Variants in SYNE1 observed in about 807,000 individuals in gnomAD.
SYNE1 encodes the protein nesprin-1.
A neutral mutation model predicts 1,111.0 loss-of-function variants in SYNE1; 616 were observed. The ratio of observed to expected loss-of-function variants is 0.55; its 90% CI spans 0.52 to 0.59. SYNE1 has a LOEUF of 0.59. Ranked by LOEUF, SYNE1 falls within the 20% of genes least tolerant of loss-of-function variation. SYNE1 has a pLI of 0.00. For missense variants in SYNE1, 10,006 were observed against 10,417.0 expected (o/e 0.96, Z 1.72); for synonymous variants, 3,855 against 3,825.8 (o/e 1.01, Z -0.28).
chr6:152,331,761 T>A lies in SYNE1; in HGVS notation c.12924A>T (p.Leu4308Phe). The A allele has an allele frequency of 6.2e-7, 1 of 1,614,248 alleles. No individual in the cohort carries two copies. Among genetic ancestry groups the A allele is most frequent in the Non-Finnish European group, 8.5e-7 (1 of 1,180,040 alleles). The change falls in exon 78 of 146, where the codon TTA (leucine) becomes TTT (phenylalanine). Residue 4308 changes from leucine to phenylalanine, a missense_variant. Around this residue, in one of 7 missense-constraint regions of SYNE1, gnomAD observed 4,955 missense variants for 5,017.2 expected, o/e 0.99. Coordinates refer to ENST00000367255, the MANE Select transcript of SYNE1 (RefSeq NM_182961.4). The stretch of plus-strand genomic sequence containing the variant: ...GTTCTTTGACTAACTCCTTGTCATC[T>A]AAATTCAGATGCTCTATCATTTTCT... ...QKQKMIEHLN[L>F]DDKELVKEQT...
At position 152,122,330 on chromosome 6, in the gene SYNE1, C is replaced by G; in HGVS notation, c.*106G>C. On this transcript the variant is annotated 3_prime_UTR_variant, in exon 146 of 146. Coordinates refer to ENST00000367255, the MANE Select transcript of SYNE1 (RefSeq NM_182961.4). ...TGGAGGAGGGCTAAAGCTGCCACAC[C>G]GAGGGCTTTCGCCAAGATCAAGGTC... The G allele has an allele frequency of 6.3e-7, 1 of 1,589,850 alleles. No homozygotes were observed.
chr6:152,354,314 T>C (rs1384882413), intron 67 of SYNE1, among the ~76,000 whole-genome samples: 1 of 152,198 alleles, frequency 6.6e-6, no homozygotes, highest in Non-Finnish European at 1.5e-5. Context: ...ATAAAACTAA[T>C]TCTCAAGTAC....
Position 152,331,355 on chromosome 6 carries a change from G to T in SYNE1, c.13330C>A (p.Arg4444=). Residue 4444 remains arginine, a synonymous_variant, in exon 78 of 146, where the codon CGA becomes AGA. Transcript: ENST00000367255. The part of the protein sequence containing the change: ...VNCLSDLVGQ[R]RKYLNKALSE... ...AAGGCTTTGTTTAAGTACTTTCTTC[G>T]CTGGCCCACTAAGTCACTGAGACAA... The T allele has an allele frequency of 1.2e-6, 2 of 1,614,124 alleles. No homozygotes were observed. The highest frequency in any genetic ancestry group is 1.1e-5 in the South Asian group (1 of 91,076).
chr6:152,138,774 G>A (rs188309830), intron 140 of SYNE1, among the ~76,000 whole-genome samples: 160 of 152,126 alleles, frequency 1.1e-3, no homozygotes, highest in African/African-American at 3.5e-3. Flanking sequence ...AAAAGAAACT[G>A]AGCTCTCAGT....
chr6:152,497,699 T>C (rs1203762206), intron 11 of SYNE1, among the ~76,000 whole-genome samples: 8 of 152,250 alleles, frequency 5.3e-5, no homozygotes, highest in African/African-American at 7.2e-5. Context: ...GGAAAGTGTC[T>C]AGCAGATTGC....
chr6:152,363,387 G>A (rs1049383110), intron 63 of SYNE1, among the ~76,000 whole-genome samples: 6 of 150,080 alleles, frequency 4.0e-5, no homozygotes, highest in East Asian at 4.0e-4. Flanking sequence ...CCAGCTACTC[G>A]AGAGGCTGAG....
At chr6:152,472,239 AT>A in intron 15 of SYNE1, 61 bp downstream of exon 15, 2 of 1,383,882 alleles carry the variant, frequency 1.4e-6, no homozygotes, top group East Asian at 2.3e-5. Context: ...TAAAAGAAAT[AT>A]AAAAAGCGTC....
In SYNE1 at chr6:152,244,647, G is replaced by GTTGTA. The variant is rs752823125; in HGVS notation, c.19577_19581dup (p.Gln6528TyrfsTer18). ...AATTCTTTGAGTCCATCTTCAGCCT[G>GTTGTA]TTGTATTGCCTAAGTAAGATCCATG... On this transcript the variant is annotated frameshift_variant, in exon 106 of 146. Transcript: ENST00000367255. LOFTEE classifies it high-confidence loss of function. 6.2e-7 allele frequency: 1 copy of GTTGTA among 1,613,820 alleles called. No individual in the cohort carries two copies. Among genetic ancestry groups the GTTGTA allele is most frequent in the Non-Finnish European group, 8.5e-7 (1 of 1,179,828 alleles).
chr6:152,465,527 T>A, intron 17 of SYNE1, 67 bp from the exon 18 acceptor site: 1 of 1,444,068 alleles, frequency 6.9e-7, no homozygotes, highest in South Asian at 1.2e-5. Flanking sequence ...TTTTTTTCTA[T>A]GGTCTTATAC....
At chr6:152,267,074 T>C (rs908108762) in intron 100 of SYNE1, among the ~76,000 whole-genome samples, 5 of 152,192 alleles carry the variant, frequency 3.3e-5, no homozygotes, top group Non-Finnish European at 5.9e-5. Context: ...ATTATATATG[T>C]ATAAAATTTT....
At chr6:152,314,280 A>C (rs568474416) in intron 87 of SYNE1, among the ~76,000 whole-genome samples, 6 of 152,244 alleles carry the variant, frequency 3.9e-5, no homozygotes, top group Non-Finnish European at 7.4e-5. Context: ...TCTTTTTCTT[A>C]TCTCTCTATT....
intron 130 of SYNE1, chr6:152,167,706 G>C (rs773836237): frequency 1.9e-6 from 1 of 520,508 alleles, no homozygotes; most frequent in Admixed American, 2.0e-5. Flanking sequence ...CAACTACAAA[G>C]CTGTGAACCA....
Position 152,255,065 on chromosome 6 carries a change from T to G in SYNE1, c.19285A>C (p.Met6429Leu). 6.2e-7 allele frequency: 1 copy of G among 1,603,868 alleles called. No individual in the cohort carries two copies. The highest frequency in any genetic ancestry group is 1.1e-5 in the South Asian group (1 of 89,860). ...QEILAKDIKEMSEEMDKNKNL... is the reference protein window; with the variant it reads ...QEILAKDIKELSEEMDKNKNL... The stretch of plus-strand genomic sequence containing the variant: ...TTGTTCTTATCCATTTCTTCAGACA[T>G]TTCCTTAATGTCTTTGGCAAGAATC... Residue 6429 changes from methionine to leucine, a missense_variant, in exon 104 of 146, where the codon ATG becomes CTG. Met to Leu is a conservative substitution (Grantham distance 15, BLOSUM62 2). Transcript: ENST00000367255.
At chr6:152,612,096 C>G (rs1025325100) in intron 3 of SYNE1, among the ~76,000 whole-genome samples, 6 of 149,200 alleles carry the variant, frequency 4.0e-5, no homozygotes, top group Admixed American at 4.0e-4. Flanking sequence ...ACTAGAGAAA[C>G]AAGAGCAAAT....
intron 3 of SYNE1, among the ~76,000 whole-genome samples, chr6:152,582,047 C>A (rs572557258): frequency 6.6e-6 from 1 of 152,076 alleles, no homozygotes; most frequent in East Asian, 1.9e-4. Flanking sequence ...AGTCATGTCA[C>A]CAATAACCCA....
intron 128 of SYNE1, among the ~76,000 whole-genome samples, chr6:152,188,257 G>C (rs1272342608): frequency 6.6e-6 from 1 of 152,114 alleles, no homozygotes; most frequent in Non-Finnish European, 1.5e-5. Context: ...AAGTAACAAA[G>C]ACAGGGCCCT....
intron 3 of SYNE1, among the ~76,000 whole-genome samples, chr6:152,619,052 A>T (rs1039213532): frequency 1.3e-5 from 2 of 151,764 alleles, no homozygotes; most frequent in African/African-American, 2.4e-5. Context: ...AGAATCACAC[A>T]CACACACACA....
Position 152,433,660 on chromosome 6 carries a change from A to G in SYNE1, c.4461+135T>C, listed in dbSNP as rs2098449059. On this transcript the variant is annotated intron_variant, in intron 34 of 145. Transcript: ENST00000367255. Reference sequence around the variant, plus strand: ...AATCCAGACCTCTTAGCTTGATAAAATGTATGAATTTAATTTTAATAGTCA... The same window carrying G: ...AATCCAGACCTCTTAGCTTGATAAAGTGTATGAATTTAATTTTAATAGTCA... 3.8e-6 allele frequency: 4 copies of G among 1,048,240 alleles called. No homozygotes were observed. In the Admixed American group the frequency reaches 7.7e-5, roughly 20 times the overall value. 64.9% of individuals were successfully genotyped at this position (1,048,240 alleles called of 1,614,324 possible). A position where few individuals can be genotyped will look rare whatever the true frequency, so the allele number is the denominator to read the frequency against.
At chr6:152,413,919 A>G (rs931388387) in intron 41 of SYNE1, among the ~76,000 whole-genome samples, 1 of 151,896 alleles carries the variant, frequency 6.6e-6, no homozygotes, top group Admixed American at 6.6e-5. Flanking sequence ...AATCCATGTA[A>G]ATAATAGTGT....
Sources: allele counts gnomAD v4.1 joint callset (sites outside exome capture counted in the v4.1 genomes callset), GRCh38; gene constraint gnomAD v4.1.1; regional missense constraint gnomAD v4.1.1; transcripts MANE v1.5; gene names NCBI Gene and HGNC (gene_info 2026-07-23, HGNC 2026-07-21).